The following DLGAP2 variants were observed in gnomAD, a reference collection of about 807,000 sequenced individuals.
DLGAP2 encodes disks large-associated protein 2.
DLGAP2 carries 26 observed loss-of-function variants against 100.3 expected under a neutral mutation model. The ratio of observed to expected loss-of-function variants is 0.26; its 90% CI spans 0.19 to 0.36. The LOEUF (loss-of-function observed/expected upper bound fraction) is 0.36, where lower values mean the gene tolerates loss of function less well. Among genes scored for constraint, DLGAP2 ranks in the 10% least tolerant of loss-of-function variants. The probability of loss-of-function intolerance (pLI) is 1.00; values close to 1 mark genes in which losing one functional copy is unlikely to be tolerated. For missense variants in DLGAP2, 1,858 were observed against 1,453.2 expected (o/e 1.28, Z -4.53); for synonymous variants, 886 against 630.1 (o/e 1.41, Z -6.08).
intron 1 of DLGAP2, among the ~76,000 whole-genome samples, chr8:761,369 G>A (rs776731162): frequency 3.9e-5 from 6 of 152,192 alleles, no homozygotes; most frequent in Non-Finnish European, 8.8e-5. Flanking sequence ...CAACCACCTC[G>A]AATCGGGAGC....
At chr8:1,618,435 C>G (rs1412277135) in intron 6 of DLGAP2, among the ~76,000 whole-genome samples, 1 of 152,164 alleles carries the variant, frequency 6.6e-6, no homozygotes, top group Non-Finnish European at 1.5e-5. Flanking sequence ...CATTGGAAGT[C>G]TCAGTAATGT....
At chr8:1,564,042 G>T (rs890175022) in intron 5 of DLGAP2, among the ~76,000 whole-genome samples, 2 of 152,146 alleles carry the variant, frequency 1.3e-5, no homozygotes, top group African/African-American at 2.4e-5. Flanking sequence ...TGAAAAACAT[G>T]CTATGTTAGT....
At chr8:1,570,475 T>C (rs556613559) in intron 6 of DLGAP2, among the ~76,000 whole-genome samples, 1 of 152,254 alleles carries the variant, frequency 6.6e-6, no homozygotes, top group Non-Finnish European at 1.5e-5. Flanking sequence ...CTAATCCAAT[T>C]CCTCATTTGT....
intron 4 of DLGAP2, among the ~76,000 whole-genome samples, chr8:1,528,115 G>C (rs572893744): frequency 6.6e-6 from 1 of 152,216 alleles, no homozygotes; most frequent in Non-Finnish European, 1.5e-5. Flanking sequence ...ACTGCTGTGC[G>C]GTCCAGGCCT....
intron 2 of DLGAP2, among the ~76,000 whole-genome samples, chr8:1,245,905 T>C (rs1479759872): frequency 6.6e-6 from 1 of 152,270 alleles, no homozygotes; most frequent in Non-Finnish European, 1.5e-5. Context: ...GTGGTCCCAG[T>C]ATGACCGCCG....
At chr8:1,537,601 C>T (rs1801196073) in intron 4 of DLGAP2, among the ~76,000 whole-genome samples, 2 of 152,146 alleles carry the variant, frequency 1.3e-5, no homozygotes, top group South Asian at 4.1e-4. Context: ...TTCCGTAGGA[C>T]AGGGACCATC....
chr8:911,732 G>C (rs1178824096), intron 2 of DLGAP2, among the ~76,000 whole-genome samples: 2 of 151,690 alleles, frequency 1.3e-5, no homozygotes, highest in African/African-American at 4.8e-5. Context: ...TATAATGTAT[G>C]TTGGAAGGAT....
chr8:918,486 CAGTG>C (rs1238771624), intron 2 of DLGAP2, among the ~76,000 whole-genome samples: 27 of 152,314 alleles, frequency 1.8e-4, no homozygotes, highest in Admixed American at 6.5e-5. Flanking sequence ...TAGTGAAAGA[CAGTG>C]AGACAGGCAC....
intron 3 of DLGAP2, among the ~76,000 whole-genome samples, chr8:1,288,270 G>A (rs1246772410): frequency 6.9e-6 from 1 of 145,768 alleles, no homozygotes; most frequent in Non-Finnish European, 1.5e-5. Flanking sequence ...GTTGTTAGGA[G>A]GGGAACTTGT....
At chr8:808,608 C>CGGAGCCTGTGTGA (rs1429441552) in intron 1 of DLGAP2, among the ~76,000 whole-genome samples, 3 of 152,094 alleles carry the variant, frequency 2.0e-5, no homozygotes, top group Middle Eastern at 3.2e-3. Context: ...GCACCCAGGG[C>CGGAGCCTGTGTGA]GGAGCCTGTG....
chr8:1,599,521 T>C (rs1190923945), intron 6 of DLGAP2, among the ~76,000 whole-genome samples: 1 of 152,202 alleles, frequency 6.6e-6, no homozygotes, highest in East Asian at 1.9e-4. Context: ...TCTAAGAACT[T>C]GATTTATGAA....
intron 1 of DLGAP2, among the ~76,000 whole-genome samples, chr8:760,588 C>A (rs73181005): frequency 0.044 from 6,641 of 152,270 alleles, 208 homozygotes; most frequent in Non-Finnish European, 0.066. Context: ...AGTTTGTCGG[C>A]TTTAACTCAG....
At chr8:942,676 G>C (rs1277548635) in intron 2 of DLGAP2, among the ~76,000 whole-genome samples, 1 of 152,206 alleles carries the variant, frequency 6.6e-6, no homozygotes, top group Non-Finnish European at 1.5e-5. Context: ...ATTTCAGTGA[G>C]GCAGAGTCAT....
chr8:1,065,943 C>A (rs1025054692), intron 2 of DLGAP2, among the ~76,000 whole-genome samples: 6 of 152,208 alleles, frequency 3.9e-5, no homozygotes, highest in Non-Finnish European at 7.3e-5. Context: ...GTGTCAGGAG[C>A]CCTCAGAGGA....
chr8:1,068,288 G>T (rs889347279), intron 2 of DLGAP2, among the ~76,000 whole-genome samples: 1 of 152,210 alleles, frequency 6.6e-6, no homozygotes, highest in Admixed American at 6.5e-5. Flanking sequence ...TCGTGTGGAT[G>T]TAAGTTTCCA....
chr8:878,805 C>G (rs1380106038), intron 1 of DLGAP2, among the ~76,000 whole-genome samples: 1 of 152,218 alleles, frequency 6.6e-6, no homozygotes, highest in Non-Finnish European at 1.5e-5. Flanking sequence ...TCCTACTTCT[C>G]TACCATGTTG....
At chr8:1,236,330 C>T (rs1417289579) in intron 2 of DLGAP2, among the ~76,000 whole-genome samples, 2 of 65,398 alleles carry the variant, frequency 3.1e-5, no homozygotes, top group Non-Finnish European at 6.4e-5. Flanking sequence ...GTCTGGTTCT[C>T]TCACATGGCG....
At chr8:1,243,459 TG>T (rs1798841381) in intron 2 of DLGAP2, among the ~76,000 whole-genome samples, 2 of 152,332 alleles carry the variant, frequency 1.3e-5, no homozygotes, top group South Asian at 4.1e-4. Flanking sequence ...GTTCTGGACT[TG>T]GCCCCTCAGA....
intron 1 of DLGAP2, among the ~76,000 whole-genome samples, chr8:749,992 T>G (rs543791296): frequency 6.6e-4 from 100 of 152,300 alleles, no homozygotes; most frequent in Non-Finnish European, 1.1e-3. Flanking sequence ...ATCTCAGATC[T>G]CTCAAGCAGG....
Sources: gnomAD v4.1 joint callset for allele counts (sites outside exome capture counted in the v4.1 genomes callset) on GRCh38, gnomAD v4.1.1 for gene constraint, MANE v1.5 for transcripts, NCBI Gene and HGNC (gene_info 2026-07-23, HGNC 2026-07-21) for gene names.